MYO1E: variants seen among roughly 807,000 people sequenced by gnomAD.
The protein encoded by MYO1E is unconventional myosin-Ie.
Under a neutral mutation model 151.1 loss-of-function variants are expected in MYO1E, and 68 were observed. The ratio of observed to expected loss-of-function variants is 0.45; its 90% CI spans 0.37 to 0.55. MYO1E has a LOEUF of 0.55. MYO1E is among the 20% of genes least tolerant of loss of function. MYO1E has a pLI of 0.00. For missense variants in MYO1E, 1,363 were observed against 1,389.3 expected (o/e 0.98, Z 0.30); for synonymous variants, 601 against 501.7 (o/e 1.20, Z -2.64).
At chr15:59,297,395 T>G (rs571789921) in intron 1 of MYO1E, among the ~76,000 whole-genome samples, 1 of 149,788 alleles carries the variant, frequency 6.7e-6, no homozygotes, top group African/African-American at 2.4e-5. Flanking sequence ...CTCAGCCTCC[T>G]GAGTAGCTGG....
chr15:59,245,621 TAA>T (rs563976442), intron 4 of MYO1E, among the ~76,000 whole-genome samples: 1 of 152,166 alleles, frequency 6.6e-6, no homozygotes, highest in East Asian at 1.9e-4. Context: ...ATACTTCAAA[TAA>T]AAAAAGTAGA....
chr15:59,332,155 A>G (rs2080702034), intron 1 of MYO1E, among the ~76,000 whole-genome samples: 1 of 152,258 alleles, frequency 6.6e-6, no homozygotes, highest in East Asian at 1.9e-4. Flanking sequence ...GTAGAAATAG[A>G]TAATGTAGAC....
chr15:59,224,475 T>A (rs1393647868), intron 8 of MYO1E, among the ~76,000 whole-genome samples: 1 of 152,230 alleles, frequency 6.6e-6, no homozygotes, highest in Non-Finnish European at 1.5e-5. Context: ...AATTCATTTC[T>A]TTTTACCCAT....
chr15:59,190,390 A>C (rs549751884), intron 17 of MYO1E, among the ~76,000 whole-genome samples: 1 of 152,336 alleles, frequency 6.6e-6, no homozygotes, highest in South Asian at 2.1e-4. Context: ...GACAATCAGA[A>C]GCATCCTCAT....
At chr15:59,285,844 G>A (rs539072034) in intron 1 of MYO1E, among the ~76,000 whole-genome samples, 3 of 152,278 alleles carry the variant, frequency 2.0e-5, no homozygotes, top group East Asian at 1.9e-4. Flanking sequence ...AAGTAATTGC[G>A]GTTTTTGCCA....
intron 25 of MYO1E, among the ~76,000 whole-genome samples, chr15:59,155,299 T>C (rs1424343859): frequency 6.6e-6 from 1 of 152,266 alleles, no homozygotes; most frequent in Non-Finnish European, 1.5e-5. Context: ...TTGCATCTTA[T>C]AATAAGACAT....
Position 59,153,853 on chromosome 15 carries a change from C to G in MYO1E, c.2879-62G>C, listed in dbSNP as rs529381836. 1.8e-5 allele frequency: 26 copies of G among 1,471,132 alleles called. No homozygotes were observed. In the South Asian group the frequency reaches 2.9e-4, roughly 16 times the overall value. The allele number at this position is 1,471,132 out of a possible 1,614,324, so 91.1% of individuals were successfully genotyped here. A position where few individuals can be genotyped will look rare whatever the true frequency, so the allele number is the denominator to read the frequency against. ...TTTTTGGATCCTTTGCCAAAAGTCT[C>G]TCCACATTTCTTCCATGTACTACAA... On this transcript the variant is annotated intron_variant, in intron 25 of 27. Transcript: ENST00000288235.
At chr15:59,326,399 T>G (rs575237832) in intron 1 of MYO1E, among the ~76,000 whole-genome samples, 9 of 151,954 alleles carry the variant, frequency 5.9e-5, no homozygotes, top group African/African-American at 1.9e-4. Context: ...GGAGCATGCC[T>G]ATAATCCCAG....
chr15:59,366,821 G>A (rs2080916557), intron 1 of MYO1E, among the ~76,000 whole-genome samples: 1 of 152,064 alleles, frequency 6.6e-6, no homozygotes, highest in South Asian at 2.1e-4. Context: ...ATTACAGAAT[G>A]TGCTTATAAG....
intron 14 of MYO1E, 24 bp from the exon 15 acceptor site, chr15:59,205,509 G>GAATTTCACTGAACAAAATGT (rs1555410845): frequency 3.1e-5 from 47 of 1,530,976 alleles, no homozygotes; most frequent in Non-Finnish European, 4.1e-5. Context: ...GAAAGAAATC[G>GAATTTCACTGAACAAAATGT]AATTTCATTG....
At chr15:59,217,201 T>C (rs1220092312) in intron 10 of MYO1E, among the ~76,000 whole-genome samples, 1 of 152,200 alleles carries the variant, frequency 6.6e-6, no homozygotes, top group Non-Finnish European at 1.5e-5. Context: ...TAAGTGCTTA[T>C]GGTTTCAAGC....
intron 1 of MYO1E, among the ~76,000 whole-genome samples, chr15:59,305,998 G>A (rs1430987046): frequency 1.3e-5 from 2 of 152,172 alleles, no homozygotes; most frequent in Non-Finnish European, 2.9e-5. Context: ...CATCCAGAAT[G>A]TTAAGTGGGA....
intron 19 of MYO1E, among the ~76,000 whole-genome samples, chr15:59,177,883 CA>C (rs1325219905): frequency 1.3e-5 from 2 of 152,218 alleles, no homozygotes. Flanking sequence ...CTTCTAGGTA[CA>C]ATCCTGGGAA....
intron 1 of MYO1E, among the ~76,000 whole-genome samples, chr15:59,371,190 C>G (rs924833233): frequency 1.3e-5 from 2 of 152,164 alleles, no homozygotes; most frequent in Non-Finnish European, 2.9e-5. Flanking sequence ...TTGGAATAAA[C>G]AGCACGGGGC....
chr15:59,353,766 A>G (rs1316483113), intron 1 of MYO1E, among the ~76,000 whole-genome samples: 1 of 151,888 alleles, frequency 6.6e-6, no homozygotes, highest in Non-Finnish European at 1.5e-5. Context: ...TCAAAAAAAA[A>G]AAAAAACAAA....
chr15:59,260,096 C>G (rs1475761065), intron 3 of MYO1E, among the ~76,000 whole-genome samples: 1 of 152,176 alleles, frequency 6.6e-6, no homozygotes, highest in Non-Finnish European at 1.5e-5. Context: ...TTCTACATTT[C>G]CTTAAAGAGA....
intron 17 of MYO1E, among the ~76,000 whole-genome samples, chr15:59,189,721 T>C (rs2079721677): frequency 6.6e-6 from 1 of 152,136 alleles, no homozygotes. Flanking sequence ...ATTACAGGCA[T>C]GTGCCACCAT....
chr15:59,210,904 T>C (rs4775130), intron 12 of MYO1E, among the ~76,000 whole-genome samples: 68,117 of 151,996 alleles, frequency 0.45, 18,534 homozygotes, highest in Non-Finnish European at 0.63. Flanking sequence ...CACAAAACTC[T>C]TAAAATTTAA....
At chr15:59,372,076 G>T (rs1442497630) in intron 1 of MYO1E, among the ~76,000 whole-genome samples, 1 of 149,616 alleles carries the variant, frequency 6.7e-6, no homozygotes, top group Non-Finnish European at 1.5e-5. Context: ...GGGCGGGCAC[G>T]GCCGCGGGGA....
Sources: allele counts gnomAD v4.1 joint callset (sites outside exome capture counted in the v4.1 genomes callset), GRCh38; gene constraint gnomAD v4.1.1; transcripts MANE v1.5; gene names NCBI Gene and HGNC (gene_info 2026-07-23, HGNC 2026-07-21).